Variants in EIF3A observed in about 807,000 individuals in gnomAD.
The protein encoded by EIF3A is eukaryotic translation initiation factor 3 subunit A.
Under a neutral mutation model 186.6 loss-of-function variants are expected in EIF3A, and 21 were observed. That is an observed-to-expected ratio of 0.11 (90% CI 0.08 to 0.16). The LOEUF (loss-of-function observed/expected upper bound fraction) is 0.16, where lower values mean the gene tolerates loss of function less well. EIF3A is among the 10% of genes least tolerant of loss of function. EIF3A has a pLI of 1.00. For missense variants in EIF3A, 1,306 were observed against 1,796.3 expected, an observed-to-expected ratio of 0.73 and a Z score of 4.93; for synonymous variants, 563 against 584.3, an observed-to-expected ratio of 0.96 and a Z score of 0.52.
chr10:119,080,556 A>G (rs1055540266), intron 1 of EIF3A, 72 bp downstream of exon 1: 9 of 1,511,254 alleles, frequency 6.0e-6, no homozygotes, highest in African/African-American at 1.4e-5. Flanking sequence ...GAGCAGTGGG[A>G]AGCAGGCCCG....
intron 19 of EIF3A, among the ~76,000 whole-genome samples, chr10:119,041,207 G>A (rs1365655871): frequency 6.6e-6 from 1 of 151,870 alleles, no homozygotes; most frequent in Non-Finnish European, 1.5e-5. Flanking sequence ...ATAGACGCAT[G>A]TCACAAACAT....
At chr10:119,075,879 A>ATTTTTTTTTTTTTT (rs58100835) in intron 1 of EIF3A, among the ~76,000 whole-genome samples, 4 of 94,072 alleles carry the variant, frequency 4.3e-5, no homozygotes, top group African/African-American at 8.1e-5. Context: ...CGCCTGGCTA[A>ATTTTTTTTTTTTTT]TTTTTTTTTT....
In EIF3A at chr10:119,042,713, C is replaced by T. The variant is rs774940035; in HGVS notation, c.2807G>A (p.Arg936Gln). Residue 936 changes from arginine to glutamine, a missense_variant, in exon 19 of 22, where the codon CGG becomes CAG. Physicochemically the swap from Arg to Gln is conservative, Grantham distance 43. This residue lies in a region of EIF3A where 410 missense variants were observed against 473.5 expected (regional missense o/e 0.87). Transcript: ENST00000369144. This position sits in a 1 kb window ranked among gnomAD's most constrained non-coding sequence, Gnocchi z 7.8. ...TTCATCATCCCCCAGACGCCGGGGC[C>T]GCTCTTCATCTCTTCTATGAGACCT... is the stretch of plus-strand genomic sequence containing the variant. ...EDRSHRRDEE[R>Q]PRRLGDDEDR... The T allele has an allele frequency of 1.3e-5, 21 of 1,613,660 alleles. 1 individual carries two copies. The highest frequency in any genetic ancestry group is 4.0e-5 in the African/African-American group (3 of 74,932).
chr10:119,075,042 C>T (rs1295879767), intron 1 of EIF3A, among the ~76,000 whole-genome samples: 7 of 125,864 alleles, frequency 5.6e-5, no homozygotes, highest in Admixed American at 4.9e-4. Context: ...AGTACACTGG[C>T]GTCATCTCAG....
chr10:119,058,389 T>G lies in EIF3A; in HGVS notation c.1630-86A>C, dbSNP rs1005700653. The G allele has an allele frequency of 1.5e-5, 13 of 895,586 alleles. No individual in the cohort carries two copies. In the African/African-American group the frequency reaches 1.7e-4, roughly 12 times the overall value. The allele number at this position is 895,586 out of a possible 1,614,324, so 55.5% of individuals were successfully genotyped here. A position where few individuals can be genotyped will look rare whatever the true frequency, so the allele number is the denominator to read the frequency against. ...CAAAGAAATTACAAAATAATCCTGA[T>G]GTACTGCCTTTCTATGTATCTGCAT... On this transcript the variant is annotated intron_variant, in intron 11 of 21. Transcript: ENST00000369144.
Position 119,036,047 on chromosome 10 carries a change from G to A in EIF3A, c.4141C>T (p.Arg1381Ter), listed in dbSNP as rs1357250841. Residue 1381 changes from arginine (R) to a stop codon, truncating the protein, a stop_gained, in exon 22 of 22, where the codon CGA (arginine) becomes TGA (stop). Coordinates refer to ENST00000369144, the MANE Select transcript of EIF3A (RefSeq NM_003750.4). LOFTEE classifies it high-confidence loss of function. ...ETDEDGWTTV[R>*]R ...ATCCATTATCTTGAGACTTAACGTCGTACTGTGGTCCATCCATCTTCATCA... is the reference window on the plus strand; with the variant it reads ...ATCCATTATCTTGAGACTTAACGTCATACTGTGGTCCATCCATCTTCATCA... The A allele has an allele frequency of 3.1e-6, 5 of 1,611,720 alleles. No homozygotes were observed. The highest frequency in any genetic ancestry group is 1.1e-5 in the South Asian group (1 of 91,030).
Position 119,050,594 on chromosome 10 carries a change from T to C in EIF3A, c.2400A>G (p.Glu800=). The C allele has an allele frequency of 6.2e-7, 1 of 1,614,098 alleles. No homozygotes were observed. Among genetic ancestry groups the C allele is most frequent in the Non-Finnish European group, 8.5e-7 (1 of 1,179,982 alleles). ...CTCTATAGTATGTTATCCTGCGTTC[T>C]TCTTTACGCTGCCTTTTCCGTTCTT... The part of the protein sequence containing the change: ...RLEERKRQRK[E]ERRITYYREK... The change falls in exon 16 of 22, where the codon GAA becomes GAG. Residue 800 remains glutamate (E), a synonymous_variant. Transcript: ENST00000369144.
chr10:119,078,659 A>C (rs1844212628), intron 1 of EIF3A, among the ~76,000 whole-genome samples: 1 of 152,248 alleles, frequency 6.6e-6, no homozygotes, highest in African/African-American at 2.4e-5. Context: ...AAGGGCTGCA[A>C]GGGACCACAG....
chr10:119,061,548 G>C (rs908221326), intron 7 of EIF3A, among the ~76,000 whole-genome samples: 8 of 151,890 alleles, frequency 5.3e-5, no homozygotes, highest in African/African-American at 1.9e-4. Context: ...AGCCCCACAA[G>C]TATGTAAAAA....
chr10:119,073,998 CT>C (rs2119820426), intron 1 of EIF3A, 61 bp from the exon 2 acceptor site: 3 of 1,353,478 alleles, frequency 2.2e-6, no homozygotes, highest in Non-Finnish European at 2.9e-6. Flanking sequence ...TAAACTTTAC[CT>C]TTTTAAACAG....
intron 19 of EIF3A, among the ~76,000 whole-genome samples, chr10:119,040,759 C>T (rs920838948): frequency 6.6e-6 from 1 of 152,102 alleles, no homozygotes; most frequent in African/African-American, 2.4e-5. Context: ...GTAATCCCAG[C>T]ACTTTGGGAG....
intron 18 of EIF3A, among the ~76,000 whole-genome samples, chr10:119,043,206 G>A (rs1427412665): frequency 6.6e-6 from 1 of 151,908 alleles, no homozygotes; most frequent in East Asian, 1.9e-4. Context: ...ATTTCTTGAG[G>A]TCAGGAGTTC....
intron 11 of EIF3A, 58 bp downstream of exon 11, chr10:119,059,154 C>A: frequency 1.5e-6 from 2 of 1,361,942 alleles, no homozygotes; most frequent in Non-Finnish European, 2.1e-6. Context: ...AAAGACATGG[C>A]ATGGCGTTAA....
chr10:119,073,134 C>G (rs1589696618), intron 3 of EIF3A, 81 bp from the exon 4 acceptor site: 1 of 1,358,378 alleles, frequency 7.4e-7, no homozygotes, highest in Non-Finnish European at 1.0e-6. Context: ...CAATGTTCAT[C>G]AGAAAACAGT....
intron 4 of EIF3A, among the ~76,000 whole-genome samples, chr10:119,072,432 GGTTTTGTTTTGTTTTGTTTT>G (rs59846549): frequency 1.3e-4 from 19 of 150,110 alleles, no homozygotes; most frequent in East Asian, 9.9e-4. Context: ...CAGTCATTTT[GGTTTTGTTTTGTTTTGTTTT>G]GTTTTGTTTT....
At position 119,037,163 on chromosome 10, in the gene EIF3A, T is replaced by C; in HGVS notation, c.3875A>G (p.Asp1292Gly). The stretch of plus-strand genomic sequence containing the variant: ...GAGTGGAGGTCCTCTTCGGTCCCTG[T>C]CGTCTCTTAGATCTCGTCTTTCTCT... ...DLRERRDLRD[D>G]RDRRGPPLRS... Residue 1292 changes from aspartate to glycine, a missense_variant, in exon 21 of 22, where the codon GAC (aspartate) becomes GGC (glycine). By Grantham distance (94) the Asp-to-Gly change is moderately conservative. Transcript: ENST00000369144. The C allele has an allele frequency of 6.3e-7, 1 of 1,595,002 alleles. No homozygotes were observed. Among genetic ancestry groups the C allele is most frequent in the African/African-American group, 1.4e-5 (1 of 73,824 alleles).
intron 20 of EIF3A, 35 bp downstream of exon 20, chr10:119,038,203 C>A: frequency 6.3e-7 from 1 of 1,576,336 alleles, no homozygotes; most frequent in Non-Finnish European, 8.7e-7. Context: ...CCACTGCGCC[C>A]GGCCTCTACA....
chr10:119,071,811 G>A (rs1844075213), intron 4 of EIF3A, among the ~76,000 whole-genome samples: 1 of 150,768 alleles, frequency 6.6e-6, no homozygotes, highest in East Asian at 2.0e-4. Context: ...GGATCACAAG[G>A]TCAGGAGATT....
chr10:119,058,106 T>C lies in EIF3A; in HGVS notation c.1827A>G (p.Glu609=). Reference sequence around the variant, plus strand: ...CCTTTGCTTCCTGGCGCAGCCTCTCTTCCTCAGCCTTCCGCACTTTCTGGA... The same window carrying C: ...CCTTTGCTTCCTGGCGCAGCCTCTCCTCCTCAGCCTTCCGCACTTTCTGGA... ...AELQKVRKAE[E]ERLRQEAKER... Residue 609 remains glutamate (E), a synonymous_variant, in exon 12 of 22, where the codon GAA becomes GAG. Coordinates refer to ENST00000369144, the MANE Select transcript of EIF3A (RefSeq NM_003750.4). The C allele has an allele frequency of 6.2e-7, 1 of 1,614,202 alleles. No homozygotes were observed. Among genetic ancestry groups the C allele is most frequent in the Non-Finnish European group, 8.5e-7 (1 of 1,180,034 alleles).
Sources: allele counts gnomAD v4.1 joint callset (sites outside exome capture counted in the v4.1 genomes callset), GRCh38; gene constraint gnomAD v4.1.1; regional missense constraint gnomAD v4.1.1; non-coding constraint Gnocchi (gnomAD v3.1); transcripts MANE v1.5; gene names NCBI Gene and HGNC (gene_info 2026-07-23, HGNC 2026-07-21).